Variants in RIPOR3 observed in about 807,000 individuals in gnomAD.
The protein encoded by RIPOR3 is family with sequence similarity 65 member C.
Under a neutral mutation model 114.3 loss-of-function variants are expected in RIPOR3, and 95 were observed. The observed-to-expected ratio is 0.83, with a 90% confidence interval of 0.70 to 0.99. The LOEUF is 0.99. RIPOR3 is among the 50% of genes least tolerant of loss of function. The pLI is 0.00. For synonymous variants in RIPOR3, 575 were observed against 543.8 expected, an observed-to-expected ratio of 1.06 and a Z score of -0.80; for missense variants, 1,252 against 1,266.9, an observed-to-expected ratio of 0.99 and a Z score of 0.18.
intron 2 of RIPOR3, among the ~76,000 whole-genome samples, chr20:50,626,889 C>T (rs968830267): frequency 6.6e-6 from 1 of 151,864 alleles, no homozygotes; most frequent in Non-Finnish European, 1.5e-5. Context: ...TGGCACATGC[C>T]TGTGATCCCA....
At chr20:50,603,955 G>T (rs930364659) in intron 12 of RIPOR3, among the ~76,000 whole-genome samples, 1 of 152,178 alleles carries the variant, frequency 6.6e-6, no homozygotes, top group African/African-American at 2.4e-5. Flanking sequence ...GCCGAGGCGG[G>T]TGGATCACCT....
rs1213085524 is a variant in RIPOR3 at position 50,637,977 on chromosome 20, G to A, written c.4-7121C>T. ...CACCCAGGCTGGTCTCAAACTCCTG[G>A]CCTCAAGCGATCCACATGGTGTGAG... On this transcript the variant is annotated intron_variant, in intron 1 of 21. Coordinates refer to ENST00000327979, the MANE Select transcript of RIPOR3 (RefSeq NM_001290268.2). 2.0e-5 allele frequency among the ~76,000 whole-genome samples: 3 copies of A among 151,844 alleles called. No homozygotes were observed. The South Asian group carries it at 6.3e-4, about 32-fold the overall frequency.
intron 1 of RIPOR3, among the ~76,000 whole-genome samples, chr20:50,658,714 A>C (rs1027395273): frequency 6.6e-5 from 10 of 152,164 alleles, no homozygotes; most frequent in Admixed American, 6.6e-4. Flanking sequence ...CAAAAAAAAA[A>C]AATTATAATC....
chr20:50,647,160 A>C (rs1407321509), intron 1 of RIPOR3, among the ~76,000 whole-genome samples: 2 of 152,118 alleles, frequency 1.3e-5, no homozygotes, highest in Non-Finnish European at 2.9e-5. Flanking sequence ...TCTCTATTAA[A>C]AATACAAAAA....
chr20:50,632,201 G>T lies in RIPOR3; in HGVS notation c.4-1345C>A, dbSNP rs566653110. 3.9e-5 allele frequency among the ~76,000 whole-genome samples: 6 copies of T among 152,208 alleles called. No individual in the cohort carries two copies. In the South Asian group the frequency reaches 6.2e-4, roughly 16 times the overall value. On this transcript the variant is annotated intron_variant, in intron 1 of 21. Transcript: ENST00000327979. Reference sequence around the variant, plus strand: ...CCCACCCCACAGCCCCACATGTGCCGTACATAGGAAAGCTTGGCAACAAAG... The same window carrying T: ...CCCACCCCACAGCCCCACATGTGCCTTACATAGGAAAGCTTGGCAACAAAG...
chr20:50,588,313 TGCAGCGCC>T (rs541964616), intron 20 of RIPOR3, among the ~76,000 whole-genome samples: 367 of 152,390 alleles, frequency 2.4e-3, no homozygotes, highest in African/African-American at 8.5e-3. Context: ...CGGCATGCGC[TGCAGCGCC>T]CTCTACTGGG....
intron 11 of RIPOR3, among the ~76,000 whole-genome samples, chr20:50,605,510 T>C (rs2083675509): frequency 6.6e-6 from 1 of 152,162 alleles, no homozygotes; most frequent in Admixed American, 6.5e-5. Context: ...GGCTCACACC[T>C]GTAATCCCAA....
intron 11 of RIPOR3, among the ~76,000 whole-genome samples, 186 bp from the exon 12 acceptor site, chr20:50,604,960 A>T (rs1156617552): frequency 6.6e-6 from 1 of 152,134 alleles, no homozygotes; most frequent in Non-Finnish European, 1.5e-5. Context: ...TCTTGCTGTG[A>T]TGCCCAGGTT....
Position 50,586,499 on chromosome 20 carries a change from A to C in RIPOR3, c.*733T>G, listed in dbSNP as rs1234104319. 1 of 152,602 alleles carries C rather than the reference A, an allele frequency of 6.6e-6. No individual in the cohort carries two copies. The highest frequency in any genetic ancestry group is 2.4e-5 in the African/African-American group (1 of 41,462). 9.5% of individuals were successfully genotyped at this position (152,602 alleles called of 1,614,324 possible). A position where few individuals can be genotyped will look rare whatever the true frequency, so the allele number is the denominator to read the frequency against. On this transcript the variant is annotated 3_prime_UTR_variant, in exon 22 of 22. Coordinates refer to ENST00000327979, the MANE Select transcript of RIPOR3 (RefSeq NM_001290268.2). ...TGATTGCATTTGGGTGCGGATGGCC[A>C]AAGTGAGTGGCCCTACTGCCTGTGC...
chr20:50,640,698 C>A lies in RIPOR3; in HGVS notation c.4-9842G>T, dbSNP rs186974808. Among the ~76,000 whole-genome samples the A allele has an allele frequency of 1.3e-4, 20 of 152,016 alleles. No homozygotes were observed. The East Asian group carries it at 3.5e-3, about 27-fold the overall frequency. On this transcript the variant is annotated intron_variant, in intron 1 of 21. Transcript: ENST00000327979. ...AAACGGTCAAAAAGGCAAAGAAAGA[C>A]TTCCACACCCTGCCGCTGCCTGGGA...
At chr20:50,648,228 A>T (rs1052120232) in intron 1 of RIPOR3, among the ~76,000 whole-genome samples, 3 of 151,944 alleles carry the variant, frequency 2.0e-5, no homozygotes, top group Non-Finnish European at 4.4e-5. Flanking sequence ...GTGAGCTGAG[A>T]TCATGCCACT....
intron 1 of RIPOR3, among the ~76,000 whole-genome samples, chr20:50,677,552 A>G (rs1335998573): frequency 6.6e-6 from 1 of 151,320 alleles, no homozygotes; most frequent in Non-Finnish European, 1.5e-5. Flanking sequence ...TTGTATTTTT[A>G]GTAAAAATGG....
intron 3 of RIPOR3, among the ~76,000 whole-genome samples, chr20:50,618,721 G>A (rs1333837723): frequency 6.6e-6 from 1 of 152,318 alleles, no homozygotes; most frequent in Admixed American, 6.5e-5. Flanking sequence ...CTCCACAGGA[G>A]GTAGGGATTT....
intron 1 of RIPOR3, among the ~76,000 whole-genome samples, chr20:50,674,479 A>G (rs2086623667): frequency 6.6e-6 from 1 of 151,636 alleles, no homozygotes; most frequent in Admixed American, 6.6e-5. Context: ...AGTAATAGCT[A>G]CTATTGATTA....
At chr20:50,626,302 G>A (rs528823022) in intron 2 of RIPOR3, among the ~76,000 whole-genome samples, 231 of 152,328 alleles carry the variant, frequency 1.5e-3, no homozygotes, top group Middle Eastern at 6.8e-3. Context: ...GGCTGCCCAG[G>A]GACCTCCGAA....
At chr20:50,662,986 C>T in intron 1 of RIPOR3, among the ~76,000 whole-genome samples, 1 of 151,298 alleles carries the variant, frequency 6.6e-6, no homozygotes, top group Non-Finnish European at 1.5e-5. Context: ...GTCCCAGTTA[C>T]TCGGGAGACT....
chr20:50,684,488 G>C (rs932676527), intron 1 of RIPOR3, among the ~76,000 whole-genome samples: 3 of 152,246 alleles, frequency 2.0e-5, no homozygotes, highest in Non-Finnish European at 4.4e-5. Context: ...GCCGTGATGA[G>C]GACTTTGCCT....
In RIPOR3 at chr20:50,602,753, G is replaced by A; in HGVS notation, c.1087-109C>T. 2.5e-6 allele frequency: 2 copies of A among 800,686 alleles called. No individual in the cohort carries two copies. Among genetic ancestry groups the A allele is most frequent in the Non-Finnish European group, 3.5e-6 (2 of 574,848 alleles). The allele number at this position is 800,686 out of a possible 1,614,324, so 49.6% of individuals were successfully genotyped here. ...CCCGCTGTGCATGCCCATGTTCTCAGGATGACTGAGGCCTGCCGAGGTGAC... is the reference window on the plus strand; with the variant it reads ...CCCGCTGTGCATGCCCATGTTCTCAAGATGACTGAGGCCTGCCGAGGTGAC... On this transcript the variant is annotated intron_variant, in intron 12 of 21. Coordinates refer to ENST00000327979, the MANE Select transcript of RIPOR3 (RefSeq NM_001290268.2). This position sits in a 1 kb window ranked among gnomAD's most constrained non-coding sequence, Gnocchi z 4.3.
chr20:50,594,744 G>T (rs867555436), intron 16 of RIPOR3, 30 bp from the exon 17 acceptor site: 25 of 1,594,604 alleles, frequency 1.6e-5, no homozygotes, highest in Non-Finnish European at 2.1e-5. Flanking sequence ...AACCTGAATG[G>T]TGACTCGGGG....
Sources: allele counts gnomAD v4.1 joint callset (sites outside exome capture counted in the v4.1 genomes callset), GRCh38; gene constraint gnomAD v4.1.1; non-coding constraint Gnocchi (gnomAD v3.1); transcripts MANE v1.5; gene names NCBI Gene and HGNC (gene_info 2026-07-23, HGNC 2026-07-21).